The following DR1 variants were observed in gnomAD, a reference collection of about 807,000 sequenced individuals.
DR1 encodes the protein protein Dr1.
Under a neutral mutation model 19.9 loss-of-function variants are expected in DR1, and 7 were observed. The ratio of observed to expected loss-of-function variants is 0.35; its 90% confidence interval spans 0.20 to 0.66. The LOEUF (loss-of-function observed/expected upper bound fraction) is 0.66. DR1 is among the 30% of genes least tolerant of loss of function. The pLI, the probability that DR1 is intolerant of heterozygous loss-of-function variation, is 0.66. For missense variants in DR1, 98 were observed against 203.7 expected, an observed-to-expected ratio of 0.48 and a Z score of 3.16; for synonymous variants, 76 against 72.5, an observed-to-expected ratio of 1.05 and a Z score of -0.24.
At chr1:93,346,936 G>A in intron 1 of DR1, 71 bp downstream of exon 1, 2 of 1,350,290 alleles carry the variant, frequency 1.5e-6, no homozygotes, top group South Asian at 1.3e-5. Context: ...TGACCCTTTC[G>A]TGTCAAAGCC....
chr1:93,360,436 G>GTA (rs1667037752), intron 2 of DR1, 57 bp from the exon 3 acceptor site: 1 of 1,471,696 alleles, frequency 6.8e-7, no homozygotes, highest in African/African-American at 1.4e-5. Context: ...TAACCAAAGT[G>GTA]TATATATTGT....
In DR1 at chr1:93,365,755, A is replaced by T. The variant is rs1329706389; in HGVS notation, c.*5116A>T. 1 of 152,182 alleles carries T rather than the reference A, an allele frequency of 6.6e-6. No homozygotes were observed. The highest frequency in any genetic ancestry group is 1.5e-5 in the Non-Finnish European group (1 of 68,044). The allele number at this position is 152,182 out of a possible 1,614,324, so 9.4% of individuals were successfully genotyped here. A position where few individuals can be genotyped will look rare whatever the true frequency, so the allele number is the denominator to read the frequency against. ...AGTCAAATCTTACAGGAGACTCTTG[A>T]CTTCACATCTGCTGATCCCTTTACC... On this transcript the variant is annotated 3_prime_UTR_variant, in exon 3 of 3. Coordinates refer to ENST00000370272, the MANE Select transcript of DR1 (RefSeq NM_001938.3).
Position 93,369,092 on chromosome 1 carries a change from T to G in DR1, c.*8453T>G, listed in dbSNP as rs1354089679. 6.6e-6 allele frequency: 1 copy of G among 152,172 alleles called. No individual in the cohort carries two copies. Among genetic ancestry groups the G allele is most frequent in the Non-Finnish European group, 1.5e-5 (1 of 68,008 alleles). 9.4% of individuals were successfully genotyped at this position (152,172 alleles called of 1,614,324 possible). A position where few individuals can be genotyped will look rare whatever the true frequency, so the allele number is the denominator to read the frequency against. On this transcript the variant is annotated 3_prime_UTR_variant, in exon 3 of 3. Coordinates refer to ENST00000370272, the MANE Select transcript of DR1 (RefSeq NM_001938.3). Reference sequence around the variant, plus strand: ...ATTAGCATCCTTGGATTTTGGATTTTGGTATCCTTGGGGTATCCTGGAACC... The same window carrying G: ...ATTAGCATCCTTGGATTTTGGATTTGGGTATCCTTGGGGTATCCTGGAACC...
rs535400280 is a variant in DR1 at position 93,362,203 on chromosome 1, G to C, written c.*1564G>C. 6.6e-6 allele frequency: 1 copy of C among 152,366 alleles called. No homozygotes were observed. The highest frequency in any genetic ancestry group is 1.5e-5 in the Non-Finnish European group (1 of 67,852). The allele number at this position is 152,366 out of a possible 1,614,324, so 9.4% of individuals were successfully genotyped here. A position where few individuals can be genotyped will look rare whatever the true frequency, so the allele number is the denominator to read the frequency against. On this transcript the variant is annotated 3_prime_UTR_variant, in exon 3 of 3. Coordinates refer to ENST00000370272, the MANE Select transcript of DR1 (RefSeq NM_001938.3). ...TATACTTCCCCCATGAAGTGAAAAGGTTAATTTTGCTGAATGTTTTAAGTT... is the reference window on the plus strand; with the variant it reads ...TATACTTCCCCCATGAAGTGAAAAGCTTAATTTTGCTGAATGTTTTAAGTT...
Position 93,366,960 on chromosome 1 carries a change from C to T in DR1, c.*6321C>T, listed in dbSNP as rs1401187887. ...GAGGCTGCAGTGAGCCATGATCACG[C>T]TACTGCACTCCAGTCTGGGCAACAG... On this transcript the variant is annotated 3_prime_UTR_variant, in exon 3 of 3. Coordinates refer to ENST00000370272, the MANE Select transcript of DR1 (RefSeq NM_001938.3). 1 of 152,090 alleles carries T rather than the reference C, an allele frequency of 6.6e-6. No individual in the cohort carries two copies. Among genetic ancestry groups the T allele is most frequent in the Non-Finnish European group, 1.5e-5 (1 of 68,096 alleles). 9.4% of individuals were successfully genotyped at this position (152,090 alleles called of 1,614,324 possible).
chr1:93,352,965 G>A (rs1557745863), intron 1 of DR1, among the ~76,000 whole-genome samples: 4 of 149,822 alleles, frequency 2.7e-5, no homozygotes, highest in Non-Finnish European at 4.4e-5. Flanking sequence ...CGCAGTCATG[G>A]CTCGTGACAT....
At chr1:93,352,981 A>G (rs1019745960) in intron 1 of DR1, among the ~76,000 whole-genome samples, 10 of 150,836 alleles carry the variant, frequency 6.6e-5, no homozygotes, top group African/African-American at 2.2e-4. Flanking sequence ...GACATCCTCA[A>G]TCTCCTGGAC....
chr1:93,348,360 A>G (rs981644348), intron 1 of DR1, among the ~76,000 whole-genome samples: 1 of 152,156 alleles, frequency 6.6e-6, no homozygotes, highest in Admixed American at 6.5e-5. Flanking sequence ...ACAGATAGCT[A>G]TAATTTCTTT....
chr1:93,347,718 C>A (rs1199998636), intron 1 of DR1, among the ~76,000 whole-genome samples: 1 of 151,952 alleles, frequency 6.6e-6, no homozygotes, highest in African/African-American at 2.4e-5. Flanking sequence ...AGGATTTGGT[C>A]CCGTAATAGG....
In DR1 at chr1:93,360,851, A is replaced by G; in HGVS notation, c.*212A>G. 2.0e-6 allele frequency: 1 copy of G among 493,134 alleles called. No individual in the cohort carries two copies. Among genetic ancestry groups the G allele is most frequent in the Non-Finnish European group, 3.4e-6 (1 of 293,268 alleles). 30.5% of individuals were successfully genotyped at this position (493,134 alleles called of 1,614,324 possible). On this transcript the variant is annotated 3_prime_UTR_variant, in exon 3 of 3. Transcript: ENST00000370272. ...TTGAAAATTTAAGGTTCAGTATAAT[A>G]TCAATTTTGAATTTTTAATGGTGTT...
At chr1:93,358,952 T>G (rs1358224678) in intron 2 of DR1, among the ~76,000 whole-genome samples, 1 of 152,156 alleles carries the variant, frequency 6.6e-6, no homozygotes, top group Non-Finnish European at 1.5e-5. Context: ...AGGATGAGTG[T>G]CAGCATGAGT....
At chr1:93,347,307 GATTT>G (rs1328903137) in intron 1 of DR1, among the ~76,000 whole-genome samples, 1 of 152,164 alleles carries the variant, frequency 6.6e-6, no homozygotes, top group African/African-American at 2.4e-5. Context: ...TAGAGGAAAA[GATTT>G]ATTTTCTGAA....
chr1:93,356,743 A>T (rs1434983386), intron 2 of DR1, among the ~76,000 whole-genome samples: 8 of 142,182 alleles, frequency 5.6e-5, no homozygotes, highest in Admixed American at 1.4e-4. Flanking sequence ...TTTTTTTGAG[A>T]TGGAGTCTTG....
At chr1:93,358,859 A>T (rs1209297297) in intron 2 of DR1, among the ~76,000 whole-genome samples, 1 of 152,152 alleles carries the variant, frequency 6.6e-6, no homozygotes, top group Non-Finnish European at 1.5e-5. Context: ...TTATACACTG[A>T]CTGATGCCAG....
chr1:93,357,016 C>A (rs1395831554), intron 2 of DR1, among the ~76,000 whole-genome samples: 1 of 152,202 alleles, frequency 6.6e-6, no homozygotes, highest in Non-Finnish European at 1.5e-5. Flanking sequence ...GCCACCGCGC[C>A]CGGCCTTAAA....
At position 93,361,337 on chromosome 1, in the gene DR1, C is replaced by G. The variant is rs1455448425; in HGVS notation, c.*698C>G. On this transcript the variant is annotated 3_prime_UTR_variant, in exon 3 of 3. Transcript: ENST00000370272. ...TAATTCATTTTGAGCTCCACTATGACATTTCAAAGACTGCCCAGTTTGGAA... is the reference window on the plus strand; with the variant it reads ...TAATTCATTTTGAGCTCCACTATGAGATTTCAAAGACTGCCCAGTTTGGAA... 6.6e-6 allele frequency: 1 copy of G among 152,508 alleles called. No individual in the cohort carries two copies. Among genetic ancestry groups the G allele is most frequent in the Non-Finnish European group, 1.5e-5 (1 of 67,964 alleles). The allele number at this position is 152,508 out of a possible 1,614,324, so 9.4% of individuals were successfully genotyped here.
Position 93,345,908 on chromosome 1 carries a change from C to G in DR1, c.-738C>G, listed in dbSNP as rs1025733563. The stretch of plus-strand genomic sequence containing the variant: ...TGAGGGAACGAGGCTTCCGGTGGCG[C>G]AAAGGGTGTCGGGAGCGGCTTCCTG... On this transcript the variant is annotated 5_prime_UTR_variant, in exon 1 of 3. Transcript: ENST00000370272. 1.3e-5 allele frequency: 2 copies of G among 152,460 alleles called. No homozygotes were observed. Among genetic ancestry groups the G allele is most frequent in the African/African-American group, 4.8e-5 (2 of 41,460 alleles). The allele number at this position is 152,460 out of a possible 1,614,324, so 9.4% of individuals were successfully genotyped here.
intron 1 of DR1, among the ~76,000 whole-genome samples, chr1:93,349,382 A>G (rs1666890943): frequency 6.6e-6 from 1 of 152,072 alleles, no homozygotes; most frequent in South Asian, 2.1e-4. Context: ...ATTTTGTTGC[A>G]GTTTTTTGTG....
At chr1:93,353,766 A>T in intron 1 of DR1, 142 bp from the exon 2 acceptor site, 1 of 579,872 alleles carries the variant, frequency 1.7e-6, no homozygotes, top group Admixed American at 3.7e-5. Flanking sequence ...TTGTTGTACA[A>T]CTATAAAATA....
Sources: gnomAD v4.1 joint callset for allele counts (sites outside exome capture counted in the v4.1 genomes callset) on GRCh38, gnomAD v4.1.1 for gene constraint, MANE v1.5 for transcripts, NCBI Gene and HGNC (gene_info 2026-07-23, HGNC 2026-07-21) for gene names.